AIF1L: variants seen among roughly 807,000 people sequenced by gnomAD.
The protein encoded by AIF1L is allograft inflammatory factor 1 like.
In AIF1L, 12 loss-of-function variants were observed where a neutral mutation model predicts 20.7. The observed-to-expected ratio is 0.58, with a 90% CI of 0.37 to 0.94. The LOEUF is 0.94. Ranked by LOEUF, AIF1L falls within the 40% of genes least tolerant of loss-of-function variation. AIF1L has a pLI of 0.01. For synonymous variants in AIF1L, 76 were observed against 65.1 expected (o/e 1.17, Z -0.81); for missense variants, 173 against 185.3 (o/e 0.93, Z 0.39).
At chr9:131,114,713 C>T (rs781041409) in intron 4 of AIF1L, 95 bp downstream of exon 4, 151 of 1,501,080 alleles carry the variant, frequency 1.0e-4, no homozygotes, top group Non-Finnish European at 1.3e-4. Flanking sequence ...TGGGGCAGTC[C>T]GGAAGGCTGG....
intron 5 of AIF1L, among the ~76,000 whole-genome samples, chr9:131,119,744 G>A (rs1199194815): frequency 6.6e-6 from 1 of 152,192 alleles, no homozygotes; most frequent in Non-Finnish European, 1.5e-5. Context: ...TGTCTTGCTT[G>A]AGCCACCCGG....
intron 5 of AIF1L, among the ~76,000 whole-genome samples, chr9:131,118,586 A>G (rs1200676937): frequency 7.2e-6 from 1 of 138,268 alleles, no homozygotes; most frequent in African/African-American, 2.7e-5. Flanking sequence ...TCGCTCTGTC[A>G]CCCAGGCTGG....
chr9:131,103,633 A>T (rs1435919985), intron 2 of AIF1L, among the ~76,000 whole-genome samples: 1 of 152,202 alleles, frequency 6.6e-6, no homozygotes, highest in African/African-American at 2.4e-5. Flanking sequence ...GGAATGGAGC[A>T]AGACCCTGAC....
At chr9:131,101,640 G>T (rs972837662) in intron 2 of AIF1L, among the ~76,000 whole-genome samples, 13 of 151,900 alleles carry the variant, frequency 8.6e-5, no homozygotes, top group African/African-American at 2.9e-4. Flanking sequence ...TCACTGTGCC[G>T]GGCCTTGACT....
intron 4 of AIF1L, 92 bp from the exon 5 acceptor site, chr9:131,117,664 A>G: frequency 7.3e-7 from 1 of 1,371,492 alleles, no homozygotes; most frequent in Non-Finnish European, 9.9e-7. Context: ...CCAAGTTTCT[A>G]GGCGTGGGGT....
chr9:131,096,567 G>T lies in AIF1L; in HGVS notation c.-63G>T, dbSNP rs920941276. 19 of 1,478,950 alleles carry T rather than the reference G, an allele frequency of 1.3e-5. No individual in the cohort carries two copies. The African/African-American group carries it at 1.3e-4, about 10-fold the overall frequency. 91.6% of individuals were successfully genotyped at this position (1,478,950 alleles called of 1,614,324 possible). A position where few individuals can be genotyped will look rare whatever the true frequency, so the allele number is the denominator to read the frequency against. ...GCCGGAGCCCGGACCAGGCGCCTGT[G>T]CCTCCTCCTCGTCCCTCGCCGCGTC... On this transcript the variant is annotated 5_prime_UTR_variant, in exon 1 of 6. Coordinates refer to ENST00000247291, the MANE Select transcript of AIF1L (RefSeq NM_031426.4).
chr9:131,106,334 T>C (rs2315076), intron 2 of AIF1L: 220,309 of 1,134,652 alleles, frequency 0.19, 23,659 homozygotes, highest in African/African-American at 0.33. Flanking sequence ...GTCTGCTATG[T>C]GGAACCTACA....
intron 2 of AIF1L, chr9:131,108,095 C>G (rs1830790929): frequency 6.6e-6 from 1 of 152,212 alleles, no homozygotes; most frequent in Non-Finnish European, 1.5e-5. Flanking sequence ...GCCAGCAAGA[C>G]CCCATAGGCC....
At position 131,102,329 on chromosome 9, in the gene AIF1L, G is replaced by A. The variant is rs368419711; in HGVS notation, c.93+5466G>A. ...TCCCCTGCCCTTCCCCCAGCAATGGGGGGCCTCTGAGACCTGACCCAGGCA... is the reference window on the plus strand; with the variant it reads ...TCCCCTGCCCTTCCCCCAGCAATGGAGGGCCTCTGAGACCTGACCCAGGCA... On this transcript the variant is annotated intron_variant, in intron 2 of 5. Coordinates refer to ENST00000247291, the MANE Select transcript of AIF1L (RefSeq NM_031426.4). Among the ~76,000 whole-genome samples the A allele has an allele frequency of 2.0e-3, 306 of 152,298 alleles. 1 individual carries two copies. Among genetic ancestry groups the A allele is most frequent in the Admixed American group, 4.6e-3 (70 of 15,308 alleles).
chr9:131,107,253 A>G (rs781734001), intron 2 of AIF1L, among the ~76,000 whole-genome samples: 1 of 152,222 alleles, frequency 6.6e-6, no homozygotes, highest in Non-Finnish European at 1.5e-5. Flanking sequence ...GCTGCCGTTC[A>G]TGCTGTGCAC....
intron 2 of AIF1L, among the ~76,000 whole-genome samples, chr9:131,105,779 C>T (rs956026156): frequency 1.3e-5 from 2 of 151,622 alleles, no homozygotes; most frequent in African/African-American, 4.8e-5. Flanking sequence ...AAATAATGGA[C>T]CGAATGGCAG....
intron 5 of AIF1L, 32 bp from the exon 6 acceptor site, chr9:131,120,203 T>C: frequency 1.2e-6 from 2 of 1,601,766 alleles, no homozygotes; most frequent in Non-Finnish European, 1.7e-6. Context: ...TTGTTTTTCT[T>C]TCTTTTTTTC....
intron 2 of AIF1L, among the ~76,000 whole-genome samples, chr9:131,103,191 C>T (rs1010831381): frequency 2.0e-5 from 3 of 152,170 alleles, no homozygotes; most frequent in Non-Finnish European, 2.9e-5. Flanking sequence ...CCAGGAAAGG[C>T]GGCAGTGAAC....
chr9:131,119,816 C>A (rs1416625587), intron 5 of AIF1L, among the ~76,000 whole-genome samples: 1 of 152,164 alleles, frequency 6.6e-6, no homozygotes, highest in Non-Finnish European at 1.5e-5. Flanking sequence ...ATACGCTGAG[C>A]CCCTACCCTC....
At position 131,098,979 on chromosome 9, in the gene AIF1L, G is replaced by A. The variant is rs976293948; in HGVS notation, c.93+2116G>A. Among the ~76,000 whole-genome samples the A allele has an allele frequency of 4.6e-5, 7 of 152,326 alleles. No homozygotes were observed. In the South Asian group the frequency reaches 1.4e-3, roughly 32 times the overall value. On this transcript the variant is annotated intron_variant, in intron 2 of 5. Transcript: ENST00000247291. Reference sequence around the variant, plus strand: ...CAGGATCACACGGGAAGCTTGAGCTGCTTCACCACAGTGGAGCAGGGTGGC... The same window carrying A: ...CAGGATCACACGGGAAGCTTGAGCTACTTCACCACAGTGGAGCAGGGTGGC...
rs1830577848 is a variant in AIF1L, at chr9:131,098,720, C to A, written c.93+1857C>A. On this transcript the variant is annotated intron_variant, in intron 2 of 5. Transcript: ENST00000247291. ...ACTTTAACAGCTGTCAGGGGCTGAT[C>A]TGGGCAGCACTGGGACTAGGGAAAG... 2.6e-5 allele frequency among the ~76,000 whole-genome samples: 4 copies of A among 152,188 alleles called. 1 individual carries two copies. The South Asian group carries it at 8.3e-4, about 31-fold the overall frequency.
In AIF1L at chr9:131,096,845, G is replaced by T; in HGVS notation, c.75G>T (p.Arg25Ser). Reference sequence around the variant, plus strand: ...TGCTCAAAGCCCGGCAGGAGAGGAGGCTGGCCGAGATCAACCGGGTAAGCC... The same window carrying T: ...TGCTCAAAGCCCGGCAGGAGAGGAGTCTGGCCGAGATCAACCGGGTAAGCC... Reference protein sequence around the residue: ...FGLLKARQERRLAEINREFLC... With the variant: ...FGLLKARQERSLAEINREFLC... Residue 25 changes from arginine to serine, a missense_variant, in exon 2 of 6, where the codon AGG (arginine) becomes AGT (serine). Coordinates refer to ENST00000247291, the MANE Select transcript of AIF1L (RefSeq NM_031426.4). The T allele has an allele frequency of 6.5e-7, 1 of 1,537,930 alleles. No homozygotes were observed. Among genetic ancestry groups the T allele is most frequent in the Non-Finnish European group, 8.7e-7 (1 of 1,143,076 alleles).
At position 131,120,294 on chromosome 9, in the gene AIF1L, C is replaced by T. The variant is rs1211649358; in HGVS notation, c.425C>T (p.Pro142Leu). 1 of 1,613,720 alleles carries T rather than the reference C, an allele frequency of 6.2e-7. No homozygotes were observed. Among genetic ancestry groups the T allele is most frequent in the Non-Finnish European group, 8.5e-7 (1 of 1,179,922 alleles). The part of the protein sequence containing the change: ...ESSPKPVGPP[P>L]ERDIASLP ...AGCCCCAAGCCAGTTGGCCCCCCTC[C>T]AGAGAGAGACATTGCTAGCCTGCCC... Residue 142 changes from proline (P) to leucine (L), a missense_variant, in exon 6 of 6, where the codon CCA (proline) becomes CTA (leucine). Physicochemically the swap from Pro to Leu is moderately conservative, Grantham distance 98. Coordinates refer to ENST00000247291, the MANE Select transcript of AIF1L (RefSeq NM_031426.4).
intron 2 of AIF1L, among the ~76,000 whole-genome samples, chr9:131,107,699 A>G (rs1027389290): frequency 5.3e-5 from 8 of 152,200 alleles, no homozygotes; most frequent in Non-Finnish European, 1.0e-4. Context: ...TACTTGGCAA[A>G]ATAAAAAGTT....
Sources: gnomAD v4.1 joint callset for allele counts (sites outside exome capture counted in the v4.1 genomes callset) on GRCh38, gnomAD v4.1.1 for gene constraint, MANE v1.5 for transcripts, NCBI Gene and HGNC (gene_info 2026-07-23, HGNC 2026-07-21) for gene names.